The following PTPRD variants were observed in gnomAD, a reference collection of about 807,000 sequenced individuals.
PTPRD encodes receptor-type tyrosine-protein phosphatase delta.
In PTPRD, 34 loss-of-function variants were observed where a neutral mutation model predicts 214.5. The observed-to-expected ratio is 0.16, with a 90% CI of 0.12 to 0.21. The LOEUF (loss-of-function observed/expected upper bound fraction) is 0.21, where lower values mean the gene tolerates loss of function less well. PTPRD is among the 10% of genes least tolerant of loss of function. The pLI, the probability that PTPRD is intolerant of heterozygous loss-of-function variation, is 1.00. For synonymous variants in PTPRD, 1,128 were observed against 845.7 expected (o/e 1.33, Z -5.79); for missense variants, 2,545 against 2,398.7 (o/e 1.06, Z -1.27).
At chr9:9,626,568 G>A (rs370513965) in intron 7 of PTPRD, among the ~76,000 whole-genome samples, 13 of 152,152 alleles carry the variant, frequency 8.5e-5, no homozygotes, top group South Asian at 2.1e-4. Flanking sequence ...AGGAAGGGAC[G>A]GAGAAAAGGA....
At chr9:9,866,116 C>T (rs1406189710) in intron 5 of PTPRD, among the ~76,000 whole-genome samples, 5 of 152,164 alleles carry the variant, frequency 3.3e-5, no homozygotes, top group South Asian at 2.1e-4. Context: ...AATTTATCTA[C>T]ATTTAATATC....
intron 12 of PTPRD, among the ~76,000 whole-genome samples, chr9:8,692,984 A>C (rs2097840873): frequency 6.6e-6 from 1 of 152,220 alleles, no homozygotes; most frequent in South Asian, 2.1e-4. Context: ...TCCAAGCTCC[A>C]AAGATTAGCA....
At chr9:9,098,284 G>T (rs184866890) in intron 10 of PTPRD, among the ~76,000 whole-genome samples, 5 of 151,834 alleles carry the variant, frequency 3.3e-5, no homozygotes, top group Non-Finnish European at 7.4e-5. Flanking sequence ...TATCATTTTT[G>T]TTGTTGTTGT....
chr9:9,750,059 C>T (rs377311407), intron 6 of PTPRD, among the ~76,000 whole-genome samples: 3 of 152,052 alleles, frequency 2.0e-5, no homozygotes, highest in South Asian at 4.1e-4. Flanking sequence ...GAAAAATAAA[C>T]TTTTATATGA....
At chr9:10,092,248 G>A (rs2098439466) in intron 3 of PTPRD, among the ~76,000 whole-genome samples, 1 of 151,370 alleles carries the variant, frequency 6.6e-6, no homozygotes, top group African/African-American at 2.4e-5. Flanking sequence ...TGAGCAAAAT[G>A]CCCATTTAGA....
chr9:10,026,617 C>A (rs1432639675), intron 4 of PTPRD, among the ~76,000 whole-genome samples: 1 of 152,118 alleles, frequency 6.6e-6, no homozygotes, highest in Non-Finnish European at 1.5e-5. Context: ...AATACACCTG[C>A]CATCACAAGG....
intron 35 of PTPRD, among the ~76,000 whole-genome samples, chr9:8,411,906 G>A (rs184146361): frequency 6.6e-5 from 10 of 152,322 alleles, no homozygotes; most frequent in Middle Eastern, 3.4e-3. Context: ...ACAATTCACA[G>A]ATTAGAATTT....
intron 7 of PTPRD, among the ~76,000 whole-genome samples, chr9:9,731,116 T>C (rs377261739): frequency 6.6e-6 from 1 of 152,184 alleles, no homozygotes; most frequent in African/African-American, 2.4e-5. Flanking sequence ...TTACCTGCTA[T>C]GTAGGAAGTG....
At chr9:9,714,529 CA>C (rs1420221216) in intron 7 of PTPRD, among the ~76,000 whole-genome samples, 4 of 152,140 alleles carry the variant, frequency 2.6e-5, no homozygotes, top group Non-Finnish European at 5.9e-5. Flanking sequence ...ATTGATTACT[CA>C]GTAATGTAAT....
At chr9:10,396,589 T>A (rs113425007) in intron 2 of PTPRD, among the ~76,000 whole-genome samples, 3 of 152,054 alleles carry the variant, frequency 2.0e-5, no homozygotes, top group Admixed American at 6.6e-5. Context: ...AGAGACAGTG[T>A]AACTGAAATC....
chr9:9,799,561 C>G (rs945634809), intron 5 of PTPRD: 1 of 152,110 alleles, frequency 6.6e-6, no homozygotes, highest in African/African-American at 2.4e-5. Context: ...AGAGTCATAA[C>G]CTAAGTGTTG....
intron 3 of PTPRD, among the ~76,000 whole-genome samples, chr9:10,177,018 T>C (rs900969100): frequency 6.6e-6 from 1 of 151,918 alleles, no homozygotes; most frequent in East Asian, 1.9e-4. Flanking sequence ...AACCTACACA[T>C]GTTACAACCA....
chr9:10,091,316 A>G (rs1463903960), intron 3 of PTPRD, among the ~76,000 whole-genome samples: 1 of 151,500 alleles, frequency 6.6e-6, no homozygotes, highest in Non-Finnish European at 1.5e-5. Flanking sequence ...TTATTTGAAA[A>G]TGTATCATTG....
intron 9 of PTPRD, among the ~76,000 whole-genome samples, chr9:9,306,491 G>T (rs566153541): frequency 7.1e-6 from 1 of 140,038 alleles, no homozygotes; most frequent in African/African-American, 2.7e-5. Flanking sequence ...TTGAACCCAG[G>T]AGGCAGAGGT....
rs942915050 is a variant in PTPRD, at chr9:9,886,027, G to A, written c.-368+52480C>T. ...AAAGTTAAAATGAAAAGGATAAACAGTGCCAAATGAAAAGAAACCTTTGGA... is the reference window on the plus strand; with the variant it reads ...AAAGTTAAAATGAAAAGGATAAACAATGCCAAATGAAAAGAAACCTTTGGA... On this transcript the variant is annotated intron_variant, in intron 5 of 45. Transcript: ENST00000381196. 9.2e-5 allele frequency among the ~76,000 whole-genome samples: 14 copies of A among 151,502 alleles called. 1 individual carries two copies. Among genetic ancestry groups the A allele is most frequent in the African/African-American group, 3.1e-4 (13 of 41,284 alleles).
At chr9:9,980,138 C>A (rs562329042) in intron 4 of PTPRD, among the ~76,000 whole-genome samples, 51 of 152,090 alleles carry the variant, frequency 3.4e-4, no homozygotes, top group African/African-American at 1.1e-3. Context: ...ATTAAGCATT[C>A]TTTTCAACAA....
chr9:10,047,822 T>G (rs1289041841), intron 3 of PTPRD, among the ~76,000 whole-genome samples: 1 of 152,150 alleles, frequency 6.6e-6, no homozygotes, highest in Non-Finnish European at 1.5e-5. Flanking sequence ...CAAAGACAAC[T>G]ACTAACTTCT....
chr9:8,579,783 G>A (rs1019159992), intron 14 of PTPRD, among the ~76,000 whole-genome samples: 1 of 152,170 alleles, frequency 6.6e-6, no homozygotes, highest in Non-Finnish European at 1.5e-5. Context: ...AGCTGAAGGA[G>A]TATCATGCAG....
intron 10 of PTPRD, among the ~76,000 whole-genome samples, chr9:9,175,621 T>TAAA (rs1569558724): frequency 1.1e-4 from 1 of 8,838 alleles, no homozygotes; most frequent in African/African-American, 4.4e-4. Flanking sequence ...AGACTCTGTC[T>TAAA]CAAAAAAAAA....
Sources: gnomAD v4.1 joint callset for allele counts (sites outside exome capture counted in the v4.1 genomes callset) on GRCh38, gnomAD v4.1.1 for gene constraint, MANE v1.5 for transcripts, NCBI Gene and HGNC (gene_info 2026-07-23, HGNC 2026-07-21) for gene names.